The following CTNNA2 variants were observed in gnomAD, a reference collection of about 807,000 sequenced individuals.
CTNNA2 encodes the protein catenin alpha-2.
Under a neutral mutation model 101.0 loss-of-function variants are expected in CTNNA2, and 42 were observed. That is an observed-to-expected ratio of 0.42 (90% CI 0.32 to 0.54). The LOEUF (loss-of-function observed/expected upper bound fraction) is 0.54. CTNNA2 is among the 20% of genes least tolerant of loss of function. CTNNA2 has a pLI of 0.14. For missense variants in CTNNA2, 871 were observed against 1,223.1 expected (o/e 0.71, Z 4.29); for synonymous variants, 450 against 456.4 (o/e 0.99, Z 0.18).
At chr2:79,377,851 C>A (rs1352387743) in intron 4 of CTNNA2, among the ~76,000 whole-genome samples, 3 of 152,144 alleles carry the variant, frequency 2.0e-5, no homozygotes, top group Non-Finnish European at 4.4e-5. Flanking sequence ...AAACATGAAG[C>A]ACCTGCTGCT....
Position 80,278,984 on chromosome 2 carries a change from G to A in CTNNA2, c.1057-114227G>A, listed in dbSNP as rs187823532. Among the ~76,000 whole-genome samples the A allele has an allele frequency of 2.7e-3, 411 of 150,324 alleles. 1 individual carries two copies. The highest frequency in any genetic ancestry group is 9.6e-3 in the African/African-American group (394 of 40,976). On this transcript the variant is annotated intron_variant, in intron 7 of 18. Coordinates refer to ENST00000402739, the MANE Select transcript of CTNNA2 (RefSeq NM_001282597.3). The stretch of plus-strand genomic sequence containing the variant: ...TGTCTCTTACAAAAAAATTGCCAGT[G>A]GAGAATGGATTATTCTATTGGAGAC...
At chr2:79,260,435 T>A (rs1674905595) in intron 2 of CTNNA2, among the ~76,000 whole-genome samples, 1 of 152,192 alleles carries the variant, frequency 6.6e-6, no homozygotes, top group Admixed American at 6.5e-5. Context: ...TGAGGAAACC[T>A]GGGTTTTCTG....
intron 7 of CTNNA2, among the ~76,000 whole-genome samples, chr2:80,180,139 A>G (rs1705682561): frequency 6.6e-6 from 1 of 152,172 alleles, no homozygotes; most frequent in Non-Finnish European, 1.5e-5. Flanking sequence ...AAAAGGCTGG[A>G]GATCTCCTTG....
chr2:79,721,378 C>A (rs1686478041), intron 2 of CTNNA2, among the ~76,000 whole-genome samples: 1 of 152,168 alleles, frequency 6.6e-6, no homozygotes, highest in Admixed American at 6.5e-5. Flanking sequence ...CTTCTCAGAT[C>A]AAGTCTCTCT....
intron 7 of CTNNA2, among the ~76,000 whole-genome samples, chr2:80,258,522 G>A (rs1346964743): frequency 1.2e-4 from 19 of 152,104 alleles, no homozygotes; most frequent in Admixed American, 1.2e-3. Context: ...GTGAGATTAT[G>A]GTATTGCACT....
At chr2:79,777,771 A>T (rs1674091466) in intron 3 of CTNNA2, among the ~76,000 whole-genome samples, 1 of 152,154 alleles carries the variant, frequency 6.6e-6, no homozygotes, top group Non-Finnish European at 1.5e-5. Context: ...CCAATTTCTA[A>T]CCTATACTAT....
At chr2:80,028,669 T>G (rs1425108507) in intron 7 of CTNNA2, among the ~76,000 whole-genome samples, 2 of 152,174 alleles carry the variant, frequency 1.3e-5, no homozygotes, top group African/African-American at 4.8e-5. Context: ...ATAAGAAGAC[T>G]ATGCTGCATT....
At chr2:80,555,132 A>T (rs1202856876) in intron 11 of CTNNA2, among the ~76,000 whole-genome samples, 1 of 141,158 alleles carries the variant, frequency 7.1e-6, no homozygotes, top group Non-Finnish European at 1.5e-5. Context: ...TGTGCATGAC[A>T]TAATTTTAAA....
intron 3 of CTNNA2, among the ~76,000 whole-genome samples, chr2:79,825,130 C>T (rs1201019918): frequency 1.1e-4 from 17 of 152,040 alleles, no homozygotes; most frequent in South Asian, 4.1e-4. Context: ...TCAAGGCTGC[C>T]GGAAGCTAGG....
chr2:80,379,749 A>G (rs1256835791), intron 7 of CTNNA2, among the ~76,000 whole-genome samples: 3 of 152,226 alleles, frequency 2.0e-5, no homozygotes, highest in Non-Finnish European at 2.9e-5. Context: ...TCTATAATTT[A>G]AAAATGTTTA....
chr2:80,028,519 G>A (rs1024735629), intron 7 of CTNNA2, among the ~76,000 whole-genome samples: 3 of 152,168 alleles, frequency 2.0e-5, no homozygotes, highest in African/African-American at 4.8e-5. Context: ...TTTGTCAGAT[G>A]CAGTTCTGGC....
At chr2:80,053,481 G>A (rs1264907382) in intron 7 of CTNNA2, among the ~76,000 whole-genome samples, 1 of 152,226 alleles carries the variant, frequency 6.6e-6, no homozygotes, top group African/African-American at 2.4e-5. Flanking sequence ...GTTACGTGGT[G>A]TAATTAGGAC....
At chr2:80,078,543 G>A (rs1228039078) in intron 7 of CTNNA2, among the ~76,000 whole-genome samples, 1 of 152,192 alleles carries the variant, frequency 6.6e-6, no homozygotes, top group Non-Finnish European at 1.5e-5. Context: ...AGCCCCGCGG[G>A]CATCTGTATG....
intron 2 of CTNNA2, among the ~76,000 whole-genome samples, chr2:79,705,075 A>C (rs7587888): frequency 0.14 from 21,340 of 151,828 alleles, 1,655 homozygotes; most frequent in South Asian, 0.22. Context: ...ACAGGCATCT[A>C]GTGGGTCGAA....
chr2:79,982,950 T>G (rs1691491203), intron 7 of CTNNA2, among the ~76,000 whole-genome samples: 1 of 152,090 alleles, frequency 6.6e-6, no homozygotes, highest in East Asian at 1.9e-4. Flanking sequence ...CAAGCTATTT[T>G]GATGTCTGTG....
At chr2:79,416,989 A>G (rs1678491025) in intron 4 of CTNNA2, among the ~76,000 whole-genome samples, 1 of 152,136 alleles carries the variant, frequency 6.6e-6, no homozygotes, top group South Asian at 2.1e-4. Context: ...TGAGATTTTC[A>G]TGATGCCACA....
At chr2:79,910,530 C>G (rs927425710) in intron 7 of CTNNA2, among the ~76,000 whole-genome samples, 1 of 152,186 alleles carries the variant, frequency 6.6e-6, no homozygotes, top group Non-Finnish European at 1.5e-5. Context: ...ATTCATTCAG[C>G]AGAGGCGATG....
At chr2:80,593,846 T>C (rs1696720250) in intron 15 of CTNNA2, among the ~76,000 whole-genome samples, 1 of 152,216 alleles carries the variant, frequency 6.6e-6, no homozygotes, top group African/African-American at 2.4e-5. Context: ...ATTGAATGCA[T>C]GTACCACCCA....
intron 7 of CTNNA2, among the ~76,000 whole-genome samples, chr2:79,953,330 C>A (rs1429749410): frequency 1.3e-5 from 2 of 152,116 alleles, no homozygotes; most frequent in Non-Finnish European, 2.9e-5. Context: ...GAAATAAATA[C>A]CGGTCTTTGC....
Sources: gnomAD v4.1 joint callset for allele counts (sites outside exome capture counted in the v4.1 genomes callset) on GRCh38, gnomAD v4.1.1 for gene constraint, MANE v1.5 for transcripts, NCBI Gene and HGNC (gene_info 2026-07-23, HGNC 2026-07-21) for gene names.